The following TOX variants were observed in gnomAD, a reference collection of about 807,000 sequenced individuals.
TOX encodes thymocyte selection-associated high mobility group box protein TOX.
TOX carries 11 observed loss-of-function variants against 53.7 expected under a neutral mutation model. The observed-to-expected ratio is 0.20, with a 90% CI of 0.13 to 0.34. The LOEUF (loss-of-function observed/expected upper bound fraction) is 0.34. Among genes scored for constraint, TOX ranks in the 10% least tolerant of loss-of-function variants. The pLI is 1.00. For missense variants in TOX, 570 were observed against 664.6 expected, an observed-to-expected ratio of 0.86 and a Z score of 1.56; for synonymous variants, 225 against 245.3, an observed-to-expected ratio of 0.92 and a Z score of 0.77.
At chr8:58,980,970 T>C (rs570358842) in intron 1 of TOX, among the ~76,000 whole-genome samples, 1 of 152,348 alleles carries the variant, frequency 6.6e-6, no homozygotes, top group Middle Eastern at 3.4e-3. Context: ...ACTGTTGTTA[T>C]CTCTTATTTT....
chr8:58,977,929 GAC>G (rs1372506946), intron 1 of TOX, among the ~76,000 whole-genome samples: 1 of 152,160 alleles, frequency 6.6e-6, no homozygotes, highest in East Asian at 1.9e-4. Context: ...ACTGAAATGT[GAC>G]ACAGAGACCA....
chr8:58,831,360 A>G (rs1810451081), intron 5 of TOX, among the ~76,000 whole-genome samples: 1 of 152,186 alleles, frequency 6.6e-6, no homozygotes, highest in Admixed American at 6.5e-5. Flanking sequence ...CACCGATGTT[A>G]TAAAATTAAA....
At chr8:59,057,041 C>T (rs949492331) in intron 1 of TOX, among the ~76,000 whole-genome samples, 3 of 152,158 alleles carry the variant, frequency 2.0e-5, no homozygotes, top group Admixed American at 6.5e-5. Flanking sequence ...GTAGTTCTTT[C>T]CTCCCAAAGC....
Position 58,838,195 on chromosome 8 carries a change from T to C in TOX, c.810A>G (p.Leu270=), listed in dbSNP as rs1810579539. 7 of 1,614,100 alleles carry C rather than the reference T, an allele frequency of 4.3e-6. No homozygotes were observed. Among genetic ancestry groups the C allele is most frequent in the Non-Finnish European group, 5.9e-6 (7 of 1,180,028 alleles). ...TGGCGGCCTGAGTATCACGAAAGAA[T>C]AACGCATAGGCAGACACAGGCTTCT... The part of the protein sequence containing the change: ...EPQKPVSAYA[L]FFRDTQAAIK... Residue 270 remains leucine (L), a synonymous_variant, in exon 5 of 9, where the codon TTA becomes TTG. Transcript: ENST00000361421.
At chr8:59,115,735 A>C (rs1389660889) in intron 1 of TOX, among the ~76,000 whole-genome samples, 1 of 152,166 alleles carries the variant, frequency 6.6e-6, no homozygotes, top group South Asian at 2.1e-4. Context: ...ATACAGCAAC[A>C]TGCCATCCGT....
At chr8:58,875,757 T>C (rs1355371097) in intron 3 of TOX, among the ~76,000 whole-genome samples, 2 of 152,208 alleles carry the variant, frequency 1.3e-5, no homozygotes, top group East Asian at 1.9e-4. Flanking sequence ...TTAGATGAGC[T>C]GGATTCAATT....
chr8:59,030,172 T>C (rs1183517212), intron 1 of TOX, among the ~76,000 whole-genome samples: 2 of 152,194 alleles, frequency 1.3e-5, no homozygotes, highest in African/African-American at 4.8e-5. Flanking sequence ...AAAATGCTTA[T>C]TTCTCTAAAC....
chr8:58,831,683 G>C (rs1810456363), intron 5 of TOX, among the ~76,000 whole-genome samples: 1 of 152,138 alleles, frequency 6.6e-6, no homozygotes, highest in Non-Finnish European at 1.5e-5. Flanking sequence ...ACAACTGCAA[G>C]GCCTGGTCTC....
Position 58,851,489 on chromosome 8 carries a change from G to A in TOX, c.693+35C>T, listed in dbSNP as rs1434379927. 6 of 1,605,382 alleles carry A rather than the reference G, an allele frequency of 3.7e-6. No homozygotes were observed. In the African/African-American group the frequency reaches 8.0e-5, roughly 22 times the overall value. On this transcript the variant is annotated intron_variant, in intron 4 of 8. Transcript: ENST00000361421. This position sits in a 1 kb window ranked among gnomAD's most constrained non-coding sequence, Gnocchi z 4.4. Reference sequence around the variant, plus strand: ...AGGTCAAAGAAGGTGCCTAAGAATAGTCTCCCATAGGTCCTAAAAATAACT... The same window carrying A: ...AGGTCAAAGAAGGTGCCTAAGAATAATCTCCCATAGGTCCTAAAAATAACT...
chr8:58,931,832 G>C (rs941557727), intron 3 of TOX, among the ~76,000 whole-genome samples: 13 of 152,182 alleles, frequency 8.5e-5, no homozygotes, highest in African/African-American at 1.2e-4. Flanking sequence ...TGAACTCAAG[G>C]GTTGAAGAAA....
At chr8:59,055,462 G>A (rs968013921) in intron 1 of TOX, among the ~76,000 whole-genome samples, 4 of 152,154 alleles carry the variant, frequency 2.6e-5, no homozygotes, top group Non-Finnish European at 5.9e-5. Context: ...AACAAGAAAG[G>A]CTGCAGCCAG....
chr8:58,847,846 A>C (rs920634052), intron 4 of TOX, among the ~76,000 whole-genome samples: 1 of 152,102 alleles, frequency 6.6e-6, no homozygotes, highest in African/African-American at 2.4e-5. Flanking sequence ...GAAATAATAT[A>C]ATATCTTCAA....
chr8:59,077,847 C>G (rs1804318835), intron 1 of TOX, among the ~76,000 whole-genome samples: 1 of 152,098 alleles, frequency 6.6e-6, no homozygotes, highest in African/African-American at 2.4e-5. Flanking sequence ...AATTGAAAGC[C>G]TGGCAACTCT....
At chr8:58,828,462 A>C (rs1409247631) in intron 5 of TOX, among the ~76,000 whole-genome samples, 2 of 152,122 alleles carry the variant, frequency 1.3e-5, no homozygotes, top group Non-Finnish European at 2.9e-5. Flanking sequence ...GAAACTAAAG[A>C]AACTTTAAAA....
chr8:58,982,532 A>T (rs1279963855), intron 1 of TOX, among the ~76,000 whole-genome samples: 5 of 151,780 alleles, frequency 3.3e-5, no homozygotes, highest in African/African-American at 1.2e-4. Flanking sequence ...CATGACTCAC[A>T]CTCCTTAGTC....
At chr8:59,010,076 T>C (rs1465859226) in intron 1 of TOX, among the ~76,000 whole-genome samples, 1 of 152,204 alleles carries the variant, frequency 6.6e-6, no homozygotes, top group East Asian at 1.9e-4. Flanking sequence ...TAAGATGATC[T>C]TCAAAGTTTA....
chr8:59,040,328 CAAAA>C (rs770561876), intron 1 of TOX, among the ~76,000 whole-genome samples: 2 of 81,302 alleles, frequency 2.5e-5, no homozygotes, highest in African/African-American at 9.8e-5. Context: ...GACTCCGTCT[CAAAA>C]AAAAAAAAAA....
intron 3 of TOX, among the ~76,000 whole-genome samples, chr8:58,909,175 C>A (rs1382523504): frequency 6.6e-6 from 1 of 152,064 alleles, no homozygotes; most frequent in African/African-American, 2.4e-5. Context: ...GAGGTGGAGC[C>A]CAGGGCATTT....
chr8:59,020,353 T>C (rs908188871), intron 1 of TOX, among the ~76,000 whole-genome samples: 7 of 152,216 alleles, frequency 4.6e-5, no homozygotes, highest in South Asian at 4.1e-4. Context: ...ATTTCCATGA[T>C]GTCCCACCCG....
Sources: gnomAD v4.1 joint callset for allele counts (sites outside exome capture counted in the v4.1 genomes callset) on GRCh38, gnomAD v4.1.1 for gene constraint, Gnocchi (gnomAD v3.1) non-coding constraint, MANE v1.5 for transcripts, NCBI Gene and HGNC (gene_info 2026-07-23, HGNC 2026-07-21) for gene names.